The following MDFIC variants were observed in gnomAD, a reference collection of about 807,000 sequenced individuals.
The protein encoded by MDFIC is MyoD family inhibitor domain containing.
MDFIC carries 17 observed loss-of-function variants against 23.2 expected under a neutral mutation model. That is an observed-to-expected ratio of 0.73 (90% CI 0.50 to 1.10). The LOEUF (loss-of-function observed/expected upper bound fraction) is 1.10, where lower values mean the gene tolerates loss of function less well. Ranked by LOEUF, MDFIC falls within the 50% of genes least tolerant of loss-of-function variation. The pLI is 0.00. For missense variants in MDFIC, 356 were observed against 316.6 expected, an observed-to-expected ratio of 1.12 and a Z score of -0.95; for synonymous variants, 120 against 115.2, an observed-to-expected ratio of 1.04 and a Z score of -0.27.
chr7:114,998,895 C>T (rs975065200), intron 4 of MDFIC, among the ~76,000 whole-genome samples: 2 of 152,058 alleles, frequency 1.3e-5, no homozygotes, highest in Non-Finnish European at 2.9e-5. Flanking sequence ...CCACTTATGT[C>T]GAGGGGTGTG....
Position 114,993,343 on chromosome 7 carries a change from C to G in MDFIC, c.493+13562C>G, listed in dbSNP as rs978112853. Among the ~76,000 whole-genome samples the G allele has an allele frequency of 3.3e-5, 5 of 152,116 alleles. No homozygotes were observed. In the East Asian group the frequency reaches 5.8e-4, roughly 18 times the overall value. On this transcript the variant is annotated intron_variant, in intron 4 of 4. Coordinates refer to ENST00000393486, the MANE Select transcript of MDFIC (RefSeq NM_001166345.3). ...ATTTTTTGAAGAGTTTTTTGTGTCT[C>G]TATCTCCTTCAGTTCTGATCTGATC...
At chr7:115,000,199 C>T (rs1192665806) in intron 4 of MDFIC, among the ~76,000 whole-genome samples, 4 of 152,100 alleles carry the variant, frequency 2.6e-5, no homozygotes, top group African/African-American at 9.7e-5. Context: ...CAAATACTTA[C>T]CATTGTGTTG....
chr7:115,009,407 G>A (rs1194838586), intron 4 of MDFIC, among the ~76,000 whole-genome samples: 1 of 152,190 alleles, frequency 6.6e-6, no homozygotes, highest in Non-Finnish European at 1.5e-5. Flanking sequence ...GAGGCGAGCT[G>A]AGTTTATTTT....
intron 4 of MDFIC, among the ~76,000 whole-genome samples, chr7:115,007,256 T>C (rs553210063): frequency 6.6e-6 from 1 of 152,314 alleles, no homozygotes; most frequent in South Asian, 2.1e-4. Flanking sequence ...TTTGCTATCA[T>C]CTTCACTGCT....
Position 114,985,468 on chromosome 7 carries a change from T to TTC in MDFIC, c.493+5701_493+5702dup, listed in dbSNP as rs200559967. Among the ~76,000 whole-genome samples, 12 of 151,052 alleles carry TTC rather than the reference T, an allele frequency of 7.9e-5. No individual in the cohort carries two copies. The East Asian group carries it at 9.7e-4, about 12-fold the overall frequency. On this transcript the variant is annotated intron_variant, in intron 4 of 4. Transcript: ENST00000393486. ...AAGGATTTTGTTTTTCTTTTTTCTT[T>TTC]TCTCTCTCTCTCTCTGTGTGTGTGT...
intron 2 of MDFIC, among the ~76,000 whole-genome samples, chr7:114,932,536 A>G (rs1363070522): frequency 6.6e-6 from 1 of 152,226 alleles, no homozygotes; most frequent in African/African-American, 2.4e-5. Flanking sequence ...GTTGCTAAAG[A>G]TATATTTATG....
intron 4 of MDFIC, among the ~76,000 whole-genome samples, chr7:114,992,690 G>A (rs4373230): frequency 2.6e-5 from 4 of 152,272 alleles, no homozygotes; most frequent in African/African-American, 7.2e-5. Flanking sequence ...TGCATCCCAG[G>A]GATGAAGCCC....
intron 3 of MDFIC, among the ~76,000 whole-genome samples, chr7:114,975,514 C>T (rs568204003): frequency 2.5e-4 from 37 of 150,640 alleles, no homozygotes; most frequent in African/African-American, 8.8e-4. Context: ...GGTCCCTAGG[C>T]ATCACTTGTG....
At chr7:114,984,071 A>G (rs913570231) in intron 4 of MDFIC, among the ~76,000 whole-genome samples, 3 of 152,264 alleles carry the variant, frequency 2.0e-5, no homozygotes, top group Admixed American at 6.5e-5. Context: ...TCCACAATCC[A>G]TGTTCCTAAC....
intron 4 of MDFIC, among the ~76,000 whole-genome samples, chr7:115,004,670 A>G (rs534249538): frequency 9.6e-4 from 147 of 152,376 alleles, no homozygotes; most frequent in African/African-American, 3.4e-3. Flanking sequence ...ACATTTAACC[A>G]TGAAGGCATT....
rs2116156361 is a variant in MDFIC, at chr7:115,015,778, GC to G, written c.585del (p.Cys195Ter). 1 of 1,614,218 alleles carries G rather than the reference GC, an allele frequency of 6.2e-7. No individual in the cohort carries two copies. The highest frequency in any genetic ancestry group is 8.5e-7 in the Non-Finnish European group (1 of 1,180,046). ...CTGGGACAAGCGTCATGTGGCATCT[GC>G]ACCTCAGAAGCCTGCTGCTGTTGCT... ...IVLGQASCGI[C>X]TSEACCCCCG... On this transcript the variant is annotated frameshift_variant, in exon 5 of 5. Transcript: ENST00000393486. LOFTEE classifies it high-confidence loss of function.
chr7:115,001,287 T>A (rs192384291), intron 4 of MDFIC, among the ~76,000 whole-genome samples: 6 of 152,308 alleles, frequency 3.9e-5, no homozygotes, highest in Admixed American at 1.3e-4. Context: ...ATTAATATAC[T>A]AGTTTTCCAA....
In MDFIC at chr7:115,015,890, C is replaced by T. The variant is rs200421830; in HGVS notation, c.696C>T (p.Cys232=). 6.2e-7 allele frequency: 1 copy of T among 1,614,136 alleles called. No homozygotes were observed. Among genetic ancestry groups the T allele is most frequent in the East Asian group, 2.2e-5 (1 of 44,878 alleles). The change falls in exon 5 of 5, where the codon TGC becomes TGT. Residue 232 remains cysteine (C), a synonymous_variant. Coordinates refer to ENST00000393486, the MANE Select transcript of MDFIC (RefSeq NM_001166345.3). ...ATGCCTGTTGTGAATCATCAGACTG[C>T]TTGGAAATCTGTATGGAATGCTGTG... The part of the protein sequence containing the change: ...IMDACCESSD[C]LEICMECCGI...
intron 3 of MDFIC, among the ~76,000 whole-genome samples, chr7:114,962,455 G>A (rs1188531769): frequency 1.3e-5 from 2 of 152,152 alleles, no homozygotes; most frequent in African/African-American, 4.8e-5. Flanking sequence ...TCACTGTCAA[G>A]TTGCCCATTT....
intron 4 of MDFIC, among the ~76,000 whole-genome samples, chr7:115,010,342 T>C (rs1343858166): frequency 6.6e-6 from 1 of 151,854 alleles, no homozygotes; most frequent in Non-Finnish European, 1.5e-5. Context: ...GACTTAGAAA[T>C]AGAAGGTTAC....
At chr7:115,004,188 C>A (rs939093397) in intron 4 of MDFIC, among the ~76,000 whole-genome samples, 1 of 152,106 alleles carries the variant, frequency 6.6e-6, no homozygotes, top group Admixed American at 6.6e-5. Context: ...GATTTTGAAC[C>A]TCAGGTTCCT....
chr7:114,981,100 A>T (rs1793409740), intron 4 of MDFIC, among the ~76,000 whole-genome samples: 1 of 152,310 alleles, frequency 6.6e-6, no homozygotes, highest in Non-Finnish European at 1.5e-5. Flanking sequence ...CTCTCCAAGG[A>T]GTTGGGAAAG....
rs183834241 is a variant in MDFIC at position 114,995,348 on chromosome 7, G to A, written c.493+15567G>A. Among the ~76,000 whole-genome samples the A allele has an allele frequency of 7.4e-4, 112 of 152,242 alleles. 1 individual carries two copies. The South Asian group carries it at 0.021, about 29-fold the overall frequency. ...GTCTGAAGCCTTCTTCTCTCAACTC[G>A]TCAAAGTCATTCTCCATCCAGCTTT... is the stretch of plus-strand genomic sequence containing the variant. On this transcript the variant is annotated intron_variant, in intron 4 of 4. Coordinates refer to ENST00000393486, the MANE Select transcript of MDFIC (RefSeq NM_001166345.3).
chr7:114,958,561 G>A (rs1792926923), intron 3 of MDFIC, among the ~76,000 whole-genome samples: 1 of 152,134 alleles, frequency 6.6e-6, no homozygotes. Context: ...GACCAGCCTG[G>A]CCAATGTTGT....
Sources: gnomAD v4.1 joint callset for allele counts (sites outside exome capture counted in the v4.1 genomes callset) on GRCh38, gnomAD v4.1.1 for gene constraint, MANE v1.5 for transcripts, NCBI Gene and HGNC (gene_info 2026-07-23, HGNC 2026-07-21) for gene names.